CD99L2: variants seen among roughly 807,000 people sequenced by gnomAD.
CD99L2 encodes CD99 antigen-like protein 2.
In CD99L2, 24 loss-of-function variants were observed where a neutral mutation model predicts 27.3. That is an observed-to-expected ratio of 0.88 (90% CI 0.64 to 1.24). The LOEUF is 1.24. Among genes scored for constraint, CD99L2 ranks in the 50% most tolerant of loss-of-function variants. The pLI is 0.00. For missense variants in CD99L2, 255 were observed against 221.6 expected (o/e 1.15, Z -0.96); for synonymous variants, 97 against 87.9 (o/e 1.10, Z -0.58).
At chrX:150,842,728 A>AT (rs1336047131) in intron 1 of CD99L2, among the ~76,000 whole-genome samples, 1 of 111,944 alleles carries the variant, frequency 8.9e-6, no homozygotes, top group African/African-American at 3.2e-5. Flanking sequence ...GCATTCGATA[A>AT]TTTTTTTAAA....
intron 1 of CD99L2, among the ~76,000 whole-genome samples, chrX:150,888,548 C>CA (rs1266939016): frequency 9.0e-6 from 1 of 111,671 alleles, no homozygotes; most frequent in African/African-American, 3.3e-5. Flanking sequence ...GATGATCACA[C>CA]AAAAAAAGTA....
chrX:150,824,647 A>AGAAGAAGAG (rs1569566013), intron 2 of CD99L2, among the ~76,000 whole-genome samples: 2 of 87,168 alleles, frequency 2.3e-5, no homozygotes, highest in Non-Finnish European at 4.3e-5. Flanking sequence ...GAGGAGAAGA[A>AGAAGAAGAG]GAAGAAGAAG....
At position 150,886,957 on chromosome X, in the gene CD99L2, A is replaced by G. The variant is rs782174420; in HGVS notation, c.67+11565T>C. Among the ~76,000 whole-genome samples the G allele has an allele frequency of 2.7e-5, 3 of 110,861 alleles. No individual in the cohort carries two copies. In the South Asian group the frequency reaches 1.2e-3, roughly 43 times the overall value. On this transcript the variant is annotated intron_variant, in intron 1 of 10. Coordinates refer to ENST00000370377, the MANE Select transcript of CD99L2 (RefSeq NM_031462.4). ...TGAGGCGGGAGGATCACTTGAGCCC[A>G]GGAGTTTGAGATTCTGTCTCTACAA...
rs782689329 is a variant in CD99L2 at position 150,871,691 on chromosome X, G to A, written c.67+26831C>T. Among the ~76,000 whole-genome samples the A allele has an allele frequency of 8.9e-5, 10 of 111,934 alleles. No individual in the cohort carries two copies. In the South Asian group the frequency reaches 1.1e-3, roughly 13 times the overall value. On this transcript the variant is annotated intron_variant, in intron 1 of 10. Coordinates refer to ENST00000370377, the MANE Select transcript of CD99L2 (RefSeq NM_031462.4). ...CAAAAAGCCTTGGACACAAATATTC[G>A]CAGCAGCTTGATTTGTAATAGCTCT...
intron 4 of CD99L2, among the ~76,000 whole-genome samples, chrX:150,814,608 A>C (rs1180986262): frequency 1.8e-5 from 2 of 112,560 alleles, no homozygotes; most frequent in Non-Finnish European, 3.7e-5. Context: ...TAGATTAATA[A>C]AGTCTTTCAG....
intron 7 of CD99L2, among the ~76,000 whole-genome samples, chrX:150,788,175 A>G (rs2045630009): frequency 9.0e-6 from 1 of 110,645 alleles, no homozygotes; most frequent in Non-Finnish European, 1.9e-5. Context: ...ATCCAGCAGC[A>G]TATCAAAAAG....
At chrX:150,855,364 GT>G (rs1336767569) in intron 1 of CD99L2, among the ~76,000 whole-genome samples, 1 of 111,749 alleles carries the variant, frequency 8.9e-6, no homozygotes, top group African/African-American at 3.3e-5. Context: ...TTGATTCACA[GT>G]TCCATAGGCT....
At chrX:150,866,072 G>A (rs960586769) in intron 1 of CD99L2, among the ~76,000 whole-genome samples, 1 of 112,109 alleles carries the variant, frequency 8.9e-6, no homozygotes, top group African/African-American at 3.2e-5. Flanking sequence ...GTGGTGAGCC[G>A]TGATTGTGCC....
intron 7 of CD99L2, among the ~76,000 whole-genome samples, chrX:150,789,369 G>T (rs938441451): frequency 2.7e-5 from 3 of 111,297 alleles, no homozygotes; most frequent in African/African-American, 9.8e-5. Flanking sequence ...TGATCCACCC[G>T]CGTCGGCCTC....
chrX:150,771,741 G>C (rs1304125470), intron 9 of CD99L2: 2 of 1,117,632 alleles, frequency 1.8e-6, no homozygotes, highest in Non-Finnish European at 2.4e-6. Flanking sequence ...GCCAGAGCAG[G>C]GGGCGAATGA....
chrX:150,865,163 GA>G (rs1194767729), intron 1 of CD99L2, among the ~76,000 whole-genome samples: 2 of 110,638 alleles, frequency 1.8e-5, no homozygotes, highest in Non-Finnish European at 3.8e-5. Context: ...GAGAGGGGGG[GA>G]AAGTATAGAT....
At chrX:150,869,465 G>A (rs1557422132) in intron 1 of CD99L2, among the ~76,000 whole-genome samples, 1 of 112,352 alleles carries the variant, frequency 8.9e-6, no homozygotes, top group Non-Finnish European at 1.9e-5. Flanking sequence ...CCTTACTCTA[G>A]TTCATTTCCA....
At chrX:150,785,373 A>G (rs1454506248) in intron 7 of CD99L2, among the ~76,000 whole-genome samples, 2 of 111,904 alleles carry the variant, frequency 1.8e-5, no homozygotes, top group East Asian at 2.8e-4. Context: ...TGCATCATTC[A>G]CTTTATCACG....
intron 1 of CD99L2, among the ~76,000 whole-genome samples, chrX:150,877,186 G>T (rs1341091615): frequency 1.8e-5 from 2 of 109,042 alleles, no homozygotes; most frequent in Non-Finnish European, 3.8e-5. Flanking sequence ...ACTATTGATA[G>T]AATTTACTAC....
intron 1 of CD99L2, among the ~76,000 whole-genome samples, chrX:150,865,936 C>T (rs942898773): frequency 3.2e-4 from 36 of 111,342 alleles, no homozygotes; most frequent in Non-Finnish European, 5.3e-4. Flanking sequence ...GCCTGGCCAA[C>T]GTAGTGAAAA....
At chrX:150,820,097 C>A (rs1341189663) in intron 2 of CD99L2, among the ~76,000 whole-genome samples, 3 of 110,582 alleles carry the variant, frequency 2.7e-5, no homozygotes, top group Non-Finnish European at 5.7e-5. Flanking sequence ...GGCAAAAATC[C>A]TCTTATGAAT....
intron 1 of CD99L2, among the ~76,000 whole-genome samples, chrX:150,859,812 TTAAA>T (rs1444775695): frequency 9.1e-6 from 1 of 110,026 alleles, no homozygotes. Context: ...AAACTCTGTC[TTAAA>T]TAATAATAAT....
chrX:150,813,179 A>G (rs1557420391), intron 4 of CD99L2, among the ~76,000 whole-genome samples: 1 of 111,722 alleles, frequency 9.0e-6, no homozygotes. Context: ...GATGATAGAT[A>G]CACAAACCTA....
chrX:150,870,694 C>A (rs1034118519), intron 1 of CD99L2, among the ~76,000 whole-genome samples: 5 of 111,251 alleles, frequency 4.5e-5, no homozygotes, highest in African/African-American at 1.6e-4. Context: ...AAAGGCTCCA[C>A]CTCCTACACC....
Sources: gnomAD v4.1 joint callset for allele counts (sites outside exome capture counted in the v4.1 genomes callset) on GRCh38, gnomAD v4.1.1 for gene constraint, MANE v1.5 for transcripts, NCBI Gene and HGNC (gene_info 2026-07-23, HGNC 2026-07-21) for gene names.